Variants in POLDIP2 observed in about 807,000 individuals in gnomAD.
POLDIP2 encodes DNA polymerase delta interacting protein 2, also known as polymerase delta-interacting protein 2.
Under a neutral mutation model 52.9 loss-of-function variants are expected in POLDIP2, and 32 were observed. That is an observed-to-expected ratio of 0.61 (90% confidence interval 0.46 to 0.81). The LOEUF (loss-of-function observed/expected upper bound fraction) is 0.81. POLDIP2 is among the 40% of genes least tolerant of loss of function. POLDIP2 has a pLI of 0.00. For missense variants in POLDIP2, 371 were observed against 477.3 expected, an observed-to-expected ratio of 0.78 and a Z score of 2.07; for synonymous variants, 183 against 183.0, an observed-to-expected ratio of 1.00 and a Z score of 0.00.
At chr17:28,357,067 C>A in intron 1 of POLDIP2, among the ~76,000 whole-genome samples, 1 of 152,258 alleles carries the variant, frequency 6.6e-6, no homozygotes, top group Non-Finnish European at 1.5e-5. Flanking sequence ...CTGTTCCCCC[C>A]CAGGGCCAGC....
chr17:28,347,891 C>A lies in POLDIP2; in HGVS notation c.*226G>T, dbSNP rs143265731. 5.5e-5 allele frequency: 29 copies of A among 522,552 alleles called. 1 individual carries two copies. Among genetic ancestry groups the A allele is most frequent in the Non-Finnish European group, 2.0e-5 (6 of 293,086 alleles). 32.4% of individuals were successfully genotyped at this position (522,552 alleles called of 1,614,324 possible). A position where few individuals can be genotyped will look rare whatever the true frequency, so the allele number is the denominator to read the frequency against. On this transcript the variant is annotated 3_prime_UTR_variant, in exon 11 of 11. Coordinates refer to ENST00000540200, the MANE Select transcript of POLDIP2 (RefSeq NM_015584.5). ...CACAGTTCCTTGGTGGAGAGGTTTA[C>A]TGGAACATGGTGTAGGCAGGGCTTA...
intron 6 of POLDIP2, 146 bp from the exon 7 acceptor site, chr17:28,351,946 A>C: frequency 4.3e-6 from 3 of 690,096 alleles, no homozygotes; most frequent in Non-Finnish European, 7.7e-6. Context: ...TCATACATGA[A>C]GCAAAAGTTC....
intron 6 of POLDIP2, among the ~76,000 whole-genome samples, chr17:28,352,397 C>T (rs1186868103): frequency 6.6e-6 from 1 of 151,628 alleles, no homozygotes; most frequent in African/African-American, 2.4e-5. Flanking sequence ...GCCACCACAC[C>T]CAGCTAATTT....
In POLDIP2 at chr17:28,347,740, C is replaced by G. The variant is rs1907635659; in HGVS notation, c.*377G>C. The stretch of plus-strand genomic sequence containing the variant: ...CAAAGAAAGCAGTCAAGGGCGCACA[C>G]TGGGTCAGAAGGGGAGCCTGAGACT... On this transcript the variant is annotated 3_prime_UTR_variant, in exon 11 of 11. Transcript: ENST00000540200. The G allele has an allele frequency of 5.6e-6, 1 of 177,076 alleles. No individual in the cohort carries two copies. The highest frequency in any genetic ancestry group is 2.4e-5 in the African/African-American group (1 of 41,952). The allele number at this position is 177,076 out of a possible 1,614,324, so 11.0% of individuals were successfully genotyped here.
At chr17:28,350,605 T>C (rs782493025) in intron 8 of POLDIP2, 42 bp from the exon 9 acceptor site, 3 of 1,601,826 alleles carry the variant, frequency 1.9e-6, no homozygotes, top group African/African-American at 2.7e-5. Flanking sequence ...AAAATAAAAT[T>C]TGGGTAACCC....
rs782610287 is a variant in POLDIP2 at position 28,349,037 on chromosome 17, T to C, written c.992+46A>G. ...TCTCACTTTTCTGACCTACAGCTTC[T>C]GTTTGTGGAGCTGGGTGGCCCCTAC... On this transcript the variant is annotated intron_variant, in intron 10 of 10. Coordinates refer to ENST00000540200, the MANE Select transcript of POLDIP2 (RefSeq NM_015584.5). The C allele has an allele frequency of 2.9e-6, 4 of 1,374,544 alleles. No individual in the cohort carries two copies. In the African/African-American group the frequency reaches 4.3e-5, roughly 15 times the overall value. 85.1% of individuals were successfully genotyped at this position (1,374,544 alleles called of 1,614,324 possible).
rs1440808921 is a variant in POLDIP2, at chr17:28,347,602, C to T, written c.*515G>A. 6.4e-6 allele frequency: 1 copy of T among 156,130 alleles called. No homozygotes were observed. Among genetic ancestry groups the T allele is most frequent in the Admixed American group, 6.2e-5 (1 of 16,004 alleles). The allele number at this position is 156,130 out of a possible 1,614,324, so 9.7% of individuals were successfully genotyped here. A position where few individuals can be genotyped will look rare whatever the true frequency, so the allele number is the denominator to read the frequency against. ...AGTGAACAAGAGTCCAGTCCAGCACCCCCGCCAACTAGCTGAGAGGCACAG... is the reference window on the plus strand; with the variant it reads ...AGTGAACAAGAGTCCAGTCCAGCACTCCCGCCAACTAGCTGAGAGGCACAG... On this transcript the variant is annotated 3_prime_UTR_variant, in exon 11 of 11. Coordinates refer to ENST00000540200, the MANE Select transcript of POLDIP2 (RefSeq NM_015584.5).
At chr17:28,350,887 G>T in intron 7 of POLDIP2, 95 bp from the exon 8 acceptor site, 1 of 1,054,824 alleles carries the variant, frequency 9.5e-7, no homozygotes, top group Non-Finnish European at 1.4e-6. Context: ...ATTCCAGGAA[G>T]GTTGCAGACA....
chr17:28,353,447 G>A (rs373533428), intron 4 of POLDIP2, 131 bp from the exon 5 acceptor site: 16 of 608,996 alleles, frequency 2.6e-5, no homozygotes, highest in African/African-American at 7.6e-5. Context: ...ACTTGAACCC[G>A]GGAGGCAGAG....
rs782558614 is a variant in POLDIP2 at position 28,351,669 on chromosome 17, T to C, written c.754A>G (p.Met252Val). 6.2e-7 allele frequency: 1 copy of C among 1,613,654 alleles called. No individual in the cohort carries two copies. Among genetic ancestry groups the C allele is most frequent in the South Asian group, 1.1e-5 (1 of 91,040 alleles). Residue 252 changes from methionine to valine, a missense_variant, in exon 7 of 11, where the codon ATG (methionine) becomes GTG (valine). Transcript: ENST00000540200. The part of the protein sequence containing the change: ...RVTVIPFYMG[M>V]REAQNSHVYW... ...GGTCCAGGCTGGCCACATACCCTCA[T>C]GCCCATGTAGAAGGGGATGACAGTG...
At chr17:28,356,035 C>G (rs1555580871) in intron 1 of POLDIP2, among the ~76,000 whole-genome samples, 159 bp from the exon 2 acceptor site, 1 of 151,460 alleles carries the variant, frequency 6.6e-6, no homozygotes, top group Non-Finnish European at 1.5e-5. Flanking sequence ...CTTTCCTCCT[C>G]CTTGGTGAAA....
At chr17:28,350,366 G>A (rs574015777) in intron 9 of POLDIP2, 72 bp downstream of exon 9, 40 of 1,369,550 alleles carry the variant, frequency 2.9e-5, no homozygotes, top group African/African-American at 2.9e-4. Context: ...AACAACAAAG[G>A]AGAAGGAAGC....
At chr17:28,352,158 C>T (rs190003134) in intron 6 of POLDIP2, among the ~76,000 whole-genome samples, 71 of 151,104 alleles carry the variant, frequency 4.7e-4, no homozygotes, top group Non-Finnish European at 9.9e-4. Flanking sequence ...TGTCATCTGT[C>T]AGGTATGACA....
In POLDIP2 at chr17:28,355,799, C is replaced by G; in HGVS notation, c.239G>C (p.Gly80Ala). The G allele has an allele frequency of 6.2e-7, 1 of 1,610,826 alleles. No individual in the cohort carries two copies. The highest frequency in any genetic ancestry group is 8.5e-7 in the Non-Finnish European group (1 of 1,178,166). The change falls in exon 2 of 11, where the codon GGG (glycine) becomes GCG (alanine). Residue 80 changes from glycine to alanine, a missense_variant. Transcript: ENST00000540200. ...ATGACCCAGCCCAATACTCACCTGC[C>G]CGGTCTCATATTTTCCATTCTGTTT... ...VPKQNGKYET[G>A]QLFLHSIFGY...
intron 6 of POLDIP2, among the ~76,000 whole-genome samples, chr17:28,352,411 T>A (rs1486839814): frequency 4.0e-5 from 6 of 151,778 alleles, no homozygotes; most frequent in African/African-American, 1.5e-4. Flanking sequence ...CTAATTTTTA[T>A]ATTTTTAGTA....
At position 28,354,523 on chromosome 17, in the gene POLDIP2, C is replaced by G. The variant is rs1395506882; in HGVS notation, c.306G>C (p.Leu102=). Residue 102 remains leucine, a synonymous_variant, in exon 3 of 11, where the codon CTG becomes CTC. Transcript: ENST00000540200. ...CTGCAGAAGCCACATCCCGGTCATA[C>G]AGTCTGGCCTGCCAGGGAAACAGGA... ...GVVLFPWQAR[L]YDRDVASAAP... The G allele has an allele frequency of 6.4e-7, 1 of 1,561,228 alleles. No individual in the cohort carries two copies. Among genetic ancestry groups the G allele is most frequent in the Non-Finnish European group, 8.7e-7 (1 of 1,152,530 alleles).
intron 4 of POLDIP2, 76 bp downstream of exon 4, chr17:28,353,619 C>G: frequency 9.7e-7 from 1 of 1,025,884 alleles, no homozygotes; most frequent in South Asian, 1.3e-5. Flanking sequence ...TGACCCCCTT[C>G]CCTCCCTTTG....
Position 28,350,473 on chromosome 17 carries a change from A to G in POLDIP2, c.877T>C (p.Leu293=), listed in dbSNP as rs1555579731. 1 of 1,612,538 alleles carries G rather than the reference A, an allele frequency of 6.2e-7. No individual in the cohort carries two copies. The highest frequency in any genetic ancestry group is 1.1e-5 in the South Asian group (1 of 90,778). The change falls in exon 9 of 11, where the codon TTG becomes CTG. Residue 293 remains leucine, a synonymous_variant. Transcript: ENST00000540200. ...HWRIFSLSGT[L]ETVRGRGVVG... ...ACCCCTCGGCCTCGCACTGTCTCCAAGGTGCCAGAGAGACTGAATATCCTC... is the reference window on the plus strand; with the variant it reads ...ACCCCTCGGCCTCGCACTGTCTCCAGGGTGCCAGAGAGACTGAATATCCTC...
Position 28,349,106 on chromosome 17 carries a change from C to T in POLDIP2, c.969G>A (p.Leu323=). Residue 323 remains leucine, a synonymous_variant, in exon 10 of 11, where the codon CTG becomes CTA. Transcript: ENST00000540200. ...ACCACATGTGCCCACTGGAAGCCTGCAGCGAGACGTGGCTGCTATACTGGA... is the reference window on the plus strand; with the variant it reads ...ACCACATGTGCCCACTGGAAGCCTGTAGCGAGACGTGGCTGCTATACTGGA... ...PAFQYSSHVS[L]QASSGHMWGT... 1 of 1,613,082 alleles carries T rather than the reference C, an allele frequency of 6.2e-7. No homozygotes were observed. Among genetic ancestry groups the T allele is most frequent in the Non-Finnish European group, 8.5e-7 (1 of 1,179,366 alleles).
Sources: gnomAD v4.1 joint callset for allele counts (sites outside exome capture counted in the v4.1 genomes callset) on GRCh38, gnomAD v4.1.1 for gene constraint, MANE v1.5 for transcripts, NCBI Gene and HGNC (gene_info 2026-07-23, HGNC 2026-07-21) for gene names.